The following SETBP1 variants were observed in gnomAD, a reference collection of about 807,000 sequenced individuals.
SETBP1 encodes SET binding protein 1.
Under a neutral mutation model 101.0 loss-of-function variants are expected in SETBP1, and 9 were observed. The ratio of observed to expected loss-of-function variants is 0.09; its 90% confidence interval spans 0.05 to 0.16. The LOEUF is 0.16. Among genes scored for constraint, SETBP1 ranks in the 10% least tolerant of loss-of-function variants. SETBP1 has a pLI of 1.00. For synonymous variants in SETBP1, 818 were observed against 788.5 expected, an observed-to-expected ratio of 1.04 and a Z score of -0.63; for missense variants, 1,858 against 2,033.8, an observed-to-expected ratio of 0.91 and a Z score of 1.66.
rs1307968951 is a variant in SETBP1, at chr18:45,063,506, G to A, written c.4599G>A (p.Pro1533=). Residue 1533 remains proline, a synonymous_variant, in exon 6 of 6, where the codon CCG becomes CCA. Coordinates refer to ENST00000649279, the MANE Select transcript of SETBP1 (RefSeq NM_015559.3). ...PPPPPPPLPP[P]PPPPLPPPPP... is the part of the protein sequence containing the mutation. ...CACCGCCGCCGCCCCTGCCGCCACC[G>A]CCGCCACCACCCCTGCCCCCGCCAC... is the stretch of plus-strand genomic sequence containing the variant. 1.5e-5 allele frequency: 14 copies of A among 924,358 alleles called. No homozygotes were observed. The highest frequency in any genetic ancestry group is 1.5e-4 in the East Asian group (2 of 13,120). 57.3% of individuals were successfully genotyped at this position (924,358 alleles called of 1,614,324 possible). A position where few individuals can be genotyped will look rare whatever the true frequency, so the allele number is the denominator to read the frequency against.
chr18:44,820,484 A>G (rs1383345733), intron 2 of SETBP1, among the ~76,000 whole-genome samples: 1 of 152,048 alleles, frequency 6.6e-6, no homozygotes, highest in Non-Finnish European at 1.5e-5. Flanking sequence ...TAAGCCTTAT[A>G]TTTCTGAATG....
At position 44,995,135 on chromosome 18, in the gene SETBP1, CTTTTTT is replaced by C. The variant is rs58617770; in HGVS notation, c.4000+41814_4000+41819del. Among the ~76,000 whole-genome samples the C allele has an allele frequency of 4.0e-3, 376 of 95,000 alleles. 1 individual carries two copies. Among genetic ancestry groups the C allele is most frequent in the African/African-American group, 6.5e-3 (153 of 23,680 alleles). 62.3% of individuals were successfully genotyped at this position (95,000 alleles called of 152,430 possible). On this transcript the variant is annotated intron_variant, in intron 4 of 5. Coordinates refer to ENST00000649279, the MANE Select transcript of SETBP1 (RefSeq NM_015559.3). ...AGTAGACAACTGACCATGTTATTTA[CTTTTTT>C]TTTTTTTTTTTTTTTTTTGAGATGG...
rs771005179 is a variant in SETBP1 at position 44,952,019 on chromosome 18, T to G, written c.2679T>G (p.Ser893=). The G allele has an allele frequency of 8.1e-6, 13 of 1,613,980 alleles. No individual in the cohort carries two copies. In the Admixed American group the frequency reaches 1.0e-4, roughly 12 times the overall value. The change falls in exon 4 of 6, where the codon TCT becomes TCG. Residue 893 remains serine, a synonymous_variant. Coordinates refer to ENST00000649279, the MANE Select transcript of SETBP1 (RefSeq NM_015559.3). ...EKSSESRRRY[S]FDFCSLDNPE... is the part of the protein sequence containing the mutation. ...GCTCAGAATCCCGAAGGAGGTACTC[T>G]TTTGATTTCTGCTCCCTGGACAACC...
intron 2 of SETBP1, among the ~76,000 whole-genome samples, chr18:44,776,891 C>T (rs186173673): frequency 1.9e-3 from 286 of 152,250 alleles, no homozygotes; most frequent in Middle Eastern, 3.4e-3. Flanking sequence ...CCTACTTTGT[C>T]GCTGGGTGAC....
chr18:44,881,561 T>C lies in SETBP1; in HGVS notation c.540+12278T>C, dbSNP rs1196612477. Reference sequence around the variant, plus strand: ...GTAATAACGCCAATTACTTTGCCAATTGCAGATTCCATCGTGATGTGTTTA... The same window carrying C: ...GTAATAACGCCAATTACTTTGCCAACTGCAGATTCCATCGTGATGTGTTTA... On this transcript the variant is annotated intron_variant, in intron 3 of 5. Coordinates refer to ENST00000649279, the MANE Select transcript of SETBP1 (RefSeq NM_015559.3). Among the ~76,000 whole-genome samples, 4 of 152,200 alleles carry C rather than the reference T, an allele frequency of 2.6e-5. No individual in the cohort carries two copies. The East Asian group carries it at 5.8e-4, about 22-fold the overall frequency.
intron 5 of SETBP1, among the ~76,000 whole-genome samples, chr18:45,055,651 C>T (rs2073796731): frequency 6.6e-6 from 1 of 152,128 alleles, no homozygotes; most frequent in African/African-American, 2.4e-5. Flanking sequence ...GAATATTTCA[C>T]ATACACGTAG....
intron 2 of SETBP1, among the ~76,000 whole-genome samples, chr18:44,821,791 G>T (rs1339427796): frequency 6.6e-6 from 1 of 152,220 alleles, no homozygotes; most frequent in Non-Finnish European, 1.5e-5. Flanking sequence ...TTTCAGTTGA[G>T]TATTCAAAAG....
intron 2 of SETBP1, among the ~76,000 whole-genome samples, chr18:44,731,767 G>A (rs939972811): frequency 1.3e-5 from 2 of 152,066 alleles, no homozygotes; most frequent in African/African-American, 4.8e-5. Flanking sequence ...CGACAAACAC[G>A]TGCTCTCTCA....
At chr18:45,022,769 GC>G (rs1325480727) in intron 4 of SETBP1, among the ~76,000 whole-genome samples, 1 of 152,176 alleles carries the variant, frequency 6.6e-6, no homozygotes, top group Non-Finnish European at 1.5e-5. Flanking sequence ...GGCAGAGGTT[GC>G]AGTGAGCCGA....
At chr18:44,815,213 C>A (rs2071949474) in intron 2 of SETBP1, among the ~76,000 whole-genome samples, 1 of 152,172 alleles carries the variant, frequency 6.6e-6, no homozygotes, top group Non-Finnish European at 1.5e-5. Flanking sequence ...AGTATTGTTC[C>A]CACCGTTAGG....
intron 2 of SETBP1, among the ~76,000 whole-genome samples, chr18:44,724,062 C>T (rs992372731): frequency 6.6e-6 from 1 of 152,166 alleles, no homozygotes; most frequent in Admixed American, 6.5e-5. Flanking sequence ...TATTCCACGC[C>T]TTTCTCAAAT....
chr18:45,041,043 T>C (rs2073498452), intron 5 of SETBP1, among the ~76,000 whole-genome samples: 1 of 152,200 alleles, frequency 6.6e-6, no homozygotes, highest in South Asian at 2.1e-4. Flanking sequence ...TGGCCAATGC[T>C]CTGTTTTACA....
intron 4 of SETBP1, among the ~76,000 whole-genome samples, chr18:44,972,784 G>A (rs575506211): frequency 4.2e-4 from 64 of 152,314 alleles, no homozygotes; most frequent in African/African-American, 1.5e-3. Context: ...GGGCTGAGAT[G>A]ATGGGGTTTT....
intron 5 of SETBP1, among the ~76,000 whole-genome samples, chr18:45,052,415 T>A (rs936067680): frequency 1.3e-5 from 2 of 152,248 alleles, no homozygotes; most frequent in Non-Finnish European, 2.9e-5. Context: ...GACTGAATTA[T>A]AAACTGAATT....
intron 3 of SETBP1, among the ~76,000 whole-genome samples, chr18:44,936,731 G>A (rs892711753): frequency 6.6e-5 from 10 of 152,086 alleles, no homozygotes; most frequent in African/African-American, 4.8e-5. Flanking sequence ...GCCATCCAAG[G>A]ACACGCAGAT....
chr18:44,740,661 G>A (rs2070076584), intron 2 of SETBP1, among the ~76,000 whole-genome samples: 1 of 152,172 alleles, frequency 6.6e-6, no homozygotes, highest in Non-Finnish European at 1.5e-5. Context: ...GCTGCCTTTT[G>A]CTTTGAATCA....
At chr18:44,983,420 C>T (rs2072158402) in intron 4 of SETBP1, among the ~76,000 whole-genome samples, 1 of 152,118 alleles carries the variant, frequency 6.6e-6, no homozygotes, top group South Asian at 2.1e-4. Context: ...CACTCTTACC[C>T]CCATTATACA....
chr18:44,844,724 C>T (rs763578936), intron 2 of SETBP1, among the ~76,000 whole-genome samples: 6 of 151,764 alleles, frequency 4.0e-5, no homozygotes, highest in Admixed American at 6.6e-5. Context: ...CTCAGCAAGG[C>T]GGCATGTGCT....
intron 2 of SETBP1, among the ~76,000 whole-genome samples, chr18:44,799,287 T>G (rs190309796): frequency 6.6e-6 from 1 of 152,222 alleles, no homozygotes; most frequent in East Asian, 1.9e-4. Context: ...TCTCTCTGCT[T>G]GGGATTTTTC....
Sources: gnomAD v4.1 joint callset for allele counts (sites outside exome capture counted in the v4.1 genomes callset) on GRCh38, gnomAD v4.1.1 for gene constraint, MANE v1.5 for transcripts, NCBI Gene and HGNC (gene_info 2026-07-23, HGNC 2026-07-21) for gene names.